The following CCDC171 variants were observed in gnomAD, a reference collection of about 807,000 sequenced individuals.
The protein encoded by CCDC171 is coiled-coil domain-containing protein 171.
CCDC171 carries 177 observed loss-of-function variants against 168.2 expected under a neutral mutation model. That is an observed-to-expected ratio of 1.05 (90% CI 0.93 to 1.19). The LOEUF is 1.19. CCDC171 is among the 50% of genes most tolerant of loss of function. The pLI is 0.00. For synonymous variants in CCDC171, 687 were observed against 540.8 expected, an observed-to-expected ratio of 1.27 and a Z score of -3.75; for missense variants, 1,991 against 1,539.0, an observed-to-expected ratio of 1.29 and a Z score of -4.91.
At chr9:16,039,216 G>A (rs1270103223), upstream of CCDC171, among the ~76,000 whole-genome samples, 1 of 152,176 alleles carries the variant, frequency 6.6e-6, no homozygotes, top group African/African-American at 2.4e-5. Flanking sequence ...AAACTCCTAT[G>A]GGGAGGAGAG....
chr9:15,683,609 G>T (rs138865669), intron 10 of CCDC171, among the ~76,000 whole-genome samples: 2 of 151,928 alleles, frequency 1.3e-5, no homozygotes, highest in African/African-American at 4.8e-5. Flanking sequence ...TATTCATCGC[G>T]TAAGTGTCTT....
rs149947947 is a variant in CCDC171, at chr9:15,973,261, A to T, written c.*1425A>T. The T allele has an allele frequency of 6.6e-6, 1 of 152,182 alleles. No homozygotes were observed. The highest frequency in any genetic ancestry group is 1.5e-5 in the Non-Finnish European group (1 of 68,026). The allele number at this position is 152,182 out of a possible 1,614,324, so 9.4% of individuals were successfully genotyped here. A position where few individuals can be genotyped will look rare whatever the true frequency, so the allele number is the denominator to read the frequency against. ...TCTATTTTTTATATTATTTTTCATT[A>T]TGGAATCTTTCATTATGGATACATT... On this transcript the variant is annotated 3_prime_UTR_variant, in exon 26 of 26. Coordinates refer to ENST00000380701, the MANE Select transcript of CCDC171 (RefSeq NM_173550.4).
At chr9:15,866,542 T>A (rs2131080404) in intron 23 of CCDC171, among the ~76,000 whole-genome samples, 1 of 151,856 alleles carries the variant, frequency 6.6e-6, no homozygotes. Flanking sequence ...ATTATTTTTA[T>A]TAAGTAGGGA....
At chr9:15,831,422 C>T (rs981371026) in intron 21 of CCDC171, among the ~76,000 whole-genome samples, 2 of 152,214 alleles carry the variant, frequency 1.3e-5, no homozygotes, top group Non-Finnish European at 2.9e-5. Context: ...TTAAAACACA[C>T]TTGACACTTT....
chr9:15,664,784 T>G (rs1045099460), intron 8 of CCDC171, among the ~76,000 whole-genome samples: 1 of 146,714 alleles, frequency 6.8e-6, no homozygotes, highest in East Asian at 2.1e-4. Flanking sequence ...CTGCAACCTC[T>G]GCCTCCCAGG....
At chr9:15,996,417 CTTTTTTT>C (rs34798326) in intron 3 of CCDC171, among the ~76,000 whole-genome samples, 1 of 64,598 alleles carries the variant, frequency 1.5e-5, no homozygotes, top group African/African-American at 5.6e-5. Context: ...CTAGGAGGCT[CTTTTTTT>C]TTTTTTTTTT....
intron 11 of CCDC171, among the ~76,000 whole-genome samples, chr9:15,706,305 T>G (rs2052230642): frequency 6.6e-6 from 1 of 152,012 alleles, no homozygotes; most frequent in African/African-American, 2.4e-5. Context: ...ATCTTTTCTT[T>G]TCTTGGCAGG....
intron 11 of CCDC171, among the ~76,000 whole-genome samples, chr9:15,696,955 CAT>C (rs1564231607): frequency 6.6e-6 from 1 of 152,098 alleles, no homozygotes; most frequent in Non-Finnish European, 1.5e-5. Context: ...AGAGTGGTAA[CAT>C]GTTTCCATTT....
At chr9:15,594,453 C>G (rs976521240) in intron 6 of CCDC171, among the ~76,000 whole-genome samples, 1 of 151,970 alleles carries the variant, frequency 6.6e-6, no homozygotes, top group East Asian at 1.9e-4. Flanking sequence ...AAATTTGAGA[C>G]TAATAGCTGT....
intron 1 of CCDC171, among the ~76,000 whole-genome samples, chr9:15,557,366 T>C (rs1036171068): frequency 4.6e-5 from 7 of 152,150 alleles, no homozygotes; most frequent in Non-Finnish European, 2.9e-5. Context: ...ATTCTTCCTA[T>C]CCATGAGCAT....
At chr9:15,999,148 C>T (rs964888936) in intron 3 of CCDC171, among the ~76,000 whole-genome samples, 2 of 150,506 alleles carry the variant, frequency 1.3e-5, no homozygotes, top group Admixed American at 1.3e-4. Context: ...GAGTTTGAGG[C>T]TGCCATGAGC....
intron 20 of CCDC171, among the ~76,000 whole-genome samples, chr9:15,780,257 C>T (rs1020263292): frequency 6.6e-6 from 1 of 152,022 alleles, no homozygotes; most frequent in Non-Finnish European, 1.5e-5. Flanking sequence ...TCTAAAGACA[C>T]CATAATTTTT....
At chr9:16,072,173 G>A in the CCDC171 span, among the ~76,000 whole-genome samples, 1 of 152,278 alleles carries the variant, frequency 6.6e-6, no homozygotes, top group Admixed American at 6.5e-5. Context: ...CAGAAGTTCC[G>A]AGATTGTAAA....
chr9:15,870,006 A>T lies in CCDC171; in HGVS notation c.3469-4526A>T, dbSNP rs144816276. Among the ~76,000 whole-genome samples the T allele has an allele frequency of 2.7e-3, 406 of 151,822 alleles. 2 individuals carry two copies. The highest frequency in any genetic ancestry group is 9.2e-3 in the African/African-American group (380 of 41,530). ...GTAAAGGCCAGATAGTAAATATCTTAGGCTTGGTGAACCATATGGTCTTTG... is the reference window on the plus strand; with the variant it reads ...GTAAAGGCCAGATAGTAAATATCTTTGGCTTGGTGAACCATATGGTCTTTG... On this transcript the variant is annotated intron_variant, in intron 23 of 25. Coordinates refer to ENST00000380701, the MANE Select transcript of CCDC171 (RefSeq NM_173550.4).
chr9:15,940,499 C>G (rs565586286), intron 25 of CCDC171, among the ~76,000 whole-genome samples: 4 of 152,026 alleles, frequency 2.6e-5, no homozygotes, highest in Admixed American at 2.0e-4. Context: ...TGCACAAAGT[C>G]AAACTTGCAG....
chr9:15,852,197 C>T (rs2061158649), intron 23 of CCDC171, among the ~76,000 whole-genome samples: 1 of 151,762 alleles, frequency 6.6e-6, no homozygotes, highest in African/African-American at 2.4e-5. Flanking sequence ...AAATCTCCAC[C>T]ATTATGGATA....
chr9:15,751,738 C>T (rs970590604), intron 18 of CCDC171, among the ~76,000 whole-genome samples: 3 of 152,094 alleles, frequency 2.0e-5, no homozygotes, highest in African/African-American at 4.8e-5. Context: ...CCCTTCCTTA[C>T]GCCTTATACA....
At chr9:16,101,114 A>C in the CCDC171 span, among the ~76,000 whole-genome samples, 1 of 152,112 alleles carries the variant, frequency 6.6e-6, no homozygotes, top group Non-Finnish European at 1.5e-5. Context: ...CTTATCACCA[A>C]AGGGCCCCCA....
chr9:15,609,611 T>A (rs1345143582), intron 6 of CCDC171, among the ~76,000 whole-genome samples: 1 of 152,218 alleles, frequency 6.6e-6, no homozygotes, highest in Non-Finnish European at 1.5e-5. Context: ...TGATTTATAG[T>A]GTCATTTCCA....
Sources: gnomAD v4.1 joint callset for allele counts (sites outside exome capture counted in the v4.1 genomes callset) on GRCh38, gnomAD v4.1.1 for gene constraint, MANE v1.5 for transcripts, NCBI Gene and HGNC (gene_info 2026-07-23, HGNC 2026-07-21) for gene names.